The following MLIP variants were observed in gnomAD, a reference collection of about 807,000 sequenced individuals.
MLIP encodes muscular LMNA-interacting protein.
Under a neutral mutation model 84.8 loss-of-function variants are expected in MLIP, and 79 were observed. The ratio of observed to expected loss-of-function variants is 0.93; its 90% CI spans 0.78 to 1.12. MLIP has a LOEUF of 1.12. MLIP is among the 50% of genes most tolerant of loss of function. MLIP has a pLI of 0.00. For synonymous variants in MLIP, 504 were observed against 463.0 expected (o/e 1.09, Z -1.14); for missense variants, 1,257 against 1,160.6 (o/e 1.08, Z -1.21).
intron 1 of MLIP, among the ~76,000 whole-genome samples, chr6:54,081,767 A>T (rs1398385633): frequency 1.3e-5 from 2 of 152,114 alleles, no homozygotes; most frequent in Non-Finnish European, 2.9e-5. Flanking sequence ...GCCCCAGCAG[A>T]CTTTTGGATA....
intron 1 of MLIP, among the ~76,000 whole-genome samples, chr6:54,073,297 AG>A (rs1766597848): frequency 6.6e-6 from 1 of 152,176 alleles, no homozygotes; most frequent in African/African-American, 2.4e-5. Context: ...ACATTCCATT[AG>A]GTTACCTATT....
intron 1 of MLIP, among the ~76,000 whole-genome samples, chr6:54,068,040 TTTCCTTCCTTCCTTCCTTCC>T (rs556958452): frequency 4.4e-5 from 1 of 22,852 alleles, no homozygotes; most frequent in Non-Finnish European, 1.6e-4. Flanking sequence ...TCCTTTTTTC[TTTCCTTCCTTCCTTCCTTCC>T]TTCCTTCCTT....
chr6:54,250,573 T>C (rs2150866945), intron 12 of MLIP, among the ~76,000 whole-genome samples: 1 of 152,180 alleles, frequency 6.6e-6, no homozygotes, highest in South Asian at 2.1e-4. Context: ...AACTCATATT[T>C]AACAGTGTTC....
At chr6:54,082,790 T>C (rs188611674) in intron 1 of MLIP, among the ~76,000 whole-genome samples, 3 of 152,226 alleles carry the variant, frequency 2.0e-5, no homozygotes, top group Admixed American at 2.0e-4. Flanking sequence ...TTTCTGTGAA[T>C]TTCCTCCTCA....
At chr6:54,088,241 C>G (rs970277171) in intron 1 of MLIP, among the ~76,000 whole-genome samples, 1 of 152,158 alleles carries the variant, frequency 6.6e-6, no homozygotes, top group African/African-American at 2.4e-5. Flanking sequence ...TGTCAAAAGT[C>G]AGATGCTGGA....
At chr6:54,189,492 A>G (rs926352908) in intron 9 of MLIP, among the ~76,000 whole-genome samples, 1 of 152,208 alleles carries the variant, frequency 6.6e-6, no homozygotes, top group Non-Finnish European at 1.5e-5. Flanking sequence ...TTAAATAAAT[A>G]GAAATAGCAA....
At chr6:54,182,786 A>T (rs570040002) in intron 9 of MLIP, among the ~76,000 whole-genome samples, 6 of 152,224 alleles carry the variant, frequency 3.9e-5, no homozygotes, top group Non-Finnish European at 8.8e-5. Flanking sequence ...TTCTTAATAA[A>T]GAATAACCTC....
chr6:54,071,878 C>T lies in MLIP; in HGVS notation c.64-49569C>T, dbSNP rs150625022. Among the ~76,000 whole-genome samples, 219 of 152,308 alleles carry T rather than the reference C, an allele frequency of 1.4e-3. 1 individual carries two copies. Among genetic ancestry groups the T allele is most frequent in the Middle Eastern group, 6.8e-3 (2 of 294 alleles). On this transcript the variant is annotated intron_variant, in intron 1 of 12. Transcript: ENST00000274897. Reference sequence around the variant, plus strand: ...GCCATGAAGTCAGCTTGCTCTCTGACCTGCTTCTTCGTAGTTCTTTGGTGC... The same window carrying T: ...GCCATGAAGTCAGCTTGCTCTCTGATCTGCTTCTTCGTAGTTCTTTGGTGC...
intron 11 of MLIP, among the ~76,000 whole-genome samples, chr6:54,204,991 T>G (rs1317518670): frequency 1.3e-5 from 2 of 152,202 alleles, no homozygotes; most frequent in African/African-American, 4.8e-5. Context: ...AAAGGTCCCC[T>G]GGCCTTATTC....
At chr6:54,094,855 C>T (rs1768103300) in intron 1 of MLIP, among the ~76,000 whole-genome samples, 1 of 152,146 alleles carries the variant, frequency 6.6e-6, no homozygotes, top group East Asian at 1.9e-4. Flanking sequence ...GTTTCCCTAG[C>T]AACTAAACCA....
chr6:54,122,541 G>A (rs964205488), intron 2 of MLIP, among the ~76,000 whole-genome samples: 3 of 152,142 alleles, frequency 2.0e-5, no homozygotes, highest in Non-Finnish European at 4.4e-5. Flanking sequence ...CAATTAGAAA[G>A]GAGTAAAATA....
intron 1 of MLIP, among the ~76,000 whole-genome samples, chr6:54,090,192 G>T (rs1767771165): frequency 6.6e-6 from 1 of 152,104 alleles, no homozygotes; most frequent in Admixed American, 6.6e-5. Context: ...ATTTGATGCT[G>T]TGAGATTTAG....
At position 54,251,612 on chromosome 6, in the gene MLIP, T is replaced by C. The variant is rs1163499231; in HGVS notation, c.2923-5696T>C. ...TAATACAAATATATATATTATAACA[T>C]ATAATATATAATACAAATATATATA... On this transcript the variant is annotated intron_variant, in intron 12 of 13. Coordinates refer to ENST00000502396, the MANE Select transcript of MLIP (RefSeq NM_001281747.2). Among the ~76,000 whole-genome samples, 81 of 101,762 alleles carry C rather than the reference T, an allele frequency of 8.0e-4. 1 individual carries two copies. Among genetic ancestry groups the C allele is most frequent in the Middle Eastern group, 6.2e-3 (1 of 162 alleles). 66.8% of individuals were successfully genotyped at this position (101,762 alleles called of 152,430 possible).
intron 11 of MLIP, among the ~76,000 whole-genome samples, chr6:54,219,347 C>CTTTT (rs201127323): frequency 6.2e-5 from 7 of 112,328 alleles, no homozygotes; most frequent in Non-Finnish European, 1.9e-5. Context: ...GATTTTTTTT[C>CTTTT]TTTTTTTTTT....
chr6:54,117,628 T>C (rs1481472021), intron 1 of MLIP, among the ~76,000 whole-genome samples: 1 of 151,932 alleles, frequency 6.6e-6, no homozygotes, highest in Non-Finnish European at 1.5e-5. Flanking sequence ...TTGACCTTGT[T>C]TGCAGATGAC....
At chr6:54,177,915 G>A (rs552316482) in intron 9 of MLIP, among the ~76,000 whole-genome samples, 1 of 152,158 alleles carries the variant, frequency 6.6e-6, no homozygotes, top group East Asian at 1.9e-4. Flanking sequence ...GGAGCTGGAA[G>A]CCATTAGCCT....
chr6:54,043,609 A>T (rs1052255362), intron 1 of MLIP, among the ~76,000 whole-genome samples: 1 of 152,200 alleles, frequency 6.6e-6, no homozygotes, highest in African/African-American at 2.4e-5. Flanking sequence ...GAGCCAGAGG[A>T]ATCAGCCTGC....
chr6:54,213,861 A>T (rs896007933), intron 11 of MLIP, among the ~76,000 whole-genome samples: 3 of 152,012 alleles, frequency 2.0e-5, no homozygotes, highest in Non-Finnish European at 2.9e-5. Flanking sequence ...TGATGTTTGT[A>T]TGCATTGTAT....
chr6:54,163,846 A>G (rs1774903817), intron 8 of MLIP, among the ~76,000 whole-genome samples: 1 of 152,032 alleles, frequency 6.6e-6, no homozygotes, highest in East Asian at 1.9e-4. Flanking sequence ...CAAGTTGTAT[A>G]AAGCAAGATC....
Sources: allele counts gnomAD v4.1 joint callset (sites outside exome capture counted in the v4.1 genomes callset), GRCh38; gene constraint gnomAD v4.1.1; transcripts MANE v1.5; gene names NCBI Gene and HGNC (gene_info 2026-07-23, HGNC 2026-07-21).